TRPM3: variants seen among roughly 807,000 people sequenced by gnomAD.
TRPM3 encodes transient receptor potential cation channel subfamily M member 3.
TRPM3 carries 77 observed loss-of-function variants against 181.2 expected under a neutral mutation model. That is an observed-to-expected ratio of 0.42 (90% CI 0.35 to 0.51). The LOEUF (loss-of-function observed/expected upper bound fraction) is 0.51, where lower values mean the gene tolerates loss of function less well. Among genes scored for constraint, TRPM3 ranks in the 20% least tolerant of loss-of-function variants. TRPM3 has a pLI of 0.01. For synonymous variants in TRPM3, 745 were observed against 796.4 expected, an observed-to-expected ratio of 0.94 and a Z score of 1.09; for missense variants, 1,759 against 2,196.7, an observed-to-expected ratio of 0.80 and a Z score of 3.98.
chr9:71,311,766 T>G (rs1279185430), intron 1 of TRPM3, among the ~76,000 whole-genome samples: 2 of 151,886 alleles, frequency 1.3e-5, no homozygotes, highest in African/African-American at 4.8e-5. Flanking sequence ...ATATCAAATA[T>G]GCTAATGATA....
intron 1 of TRPM3, among the ~76,000 whole-genome samples, chr9:71,196,132 T>C (rs1055999139): frequency 6.0e-5 from 9 of 150,502 alleles, no homozygotes; most frequent in East Asian, 3.9e-4. Flanking sequence ...TAATATTTTA[T>C]GTACATACGC....
chr9:70,823,507 C>T (rs534868261), intron 6 of TRPM3, among the ~76,000 whole-genome samples: 6 of 152,310 alleles, frequency 3.9e-5, no homozygotes, highest in East Asian at 1.9e-4. Flanking sequence ...GTTGCATAAA[C>T]GATACCTCCT....
At chr9:70,909,544 G>A (rs775192581) in intron 1 of TRPM3, among the ~76,000 whole-genome samples, 1 of 152,154 alleles carries the variant, frequency 6.6e-6, no homozygotes, top group Non-Finnish European at 1.5e-5. Context: ...GCATTGGAAG[G>A]TTGGGCTGTC....
upstream of TRPM3, among the ~76,000 whole-genome samples, chr9:71,125,545 C>T (rs1165306332): frequency 6.6e-5 from 10 of 152,252 alleles, no homozygotes; most frequent in South Asian, 1.0e-3. Context: ...TTTATGGCTG[C>T]ATAGTATTCC....
At chr9:71,319,818 A>C (rs2089024827) in intron 1 of TRPM3, among the ~76,000 whole-genome samples, 1 of 152,130 alleles carries the variant, frequency 6.6e-6, no homozygotes, top group Non-Finnish European at 1.5e-5. Flanking sequence ...GGCCATTACT[A>C]CATGAAATGG....
upstream of TRPM3, among the ~76,000 whole-genome samples, chr9:71,124,641 C>T (rs147451317): frequency 6.6e-6 from 1 of 152,220 alleles, no homozygotes; most frequent in Non-Finnish European, 1.5e-5. Flanking sequence ...GAAATTTGAG[C>T]TCATTCTCAA....
intron 6 of TRPM3, among the ~76,000 whole-genome samples, chr9:70,802,301 T>C (rs190620038): frequency 9.8e-5 from 15 of 152,338 alleles, no homozygotes; most frequent in African/African-American, 3.6e-4. Flanking sequence ...AATTTTTTTC[T>C]ATAAAGGGTC....
At chr9:71,218,719 T>A (rs2080053548) in intron 1 of TRPM3, among the ~76,000 whole-genome samples, 1 of 152,214 alleles carries the variant, frequency 6.6e-6, no homozygotes, top group South Asian at 2.1e-4. Context: ...ACATGGTGAT[T>A]GCCTAAAGAG....
At chr9:70,565,193 T>C (rs868684794) in intron 22 of TRPM3, among the ~76,000 whole-genome samples, 8 of 152,240 alleles carry the variant, frequency 5.3e-5, no homozygotes, top group Non-Finnish European at 1.2e-4. Context: ...CACACCCTTG[T>C]ATAGTGGGCT....
intron 7 of TRPM3, among the ~76,000 whole-genome samples, chr9:70,777,215 C>A (rs967317413): frequency 1.3e-5 from 2 of 151,998 alleles, no homozygotes; most frequent in Non-Finnish European, 2.9e-5. Flanking sequence ...TATGTTTTCT[C>A]CGACATTTGC....
chr9:71,157,173 A>G (rs1285985304), intron 1 of TRPM3, among the ~76,000 whole-genome samples: 3 of 152,178 alleles, frequency 2.0e-5, no homozygotes, highest in Admixed American at 6.6e-5. Context: ...ATAACAGTAC[A>G]TTATCAACAA....
intron 1 of TRPM3, among the ~76,000 whole-genome samples, chr9:71,439,387 C>T (rs2094099628): frequency 6.6e-6 from 1 of 152,218 alleles, no homozygotes; most frequent in Non-Finnish European, 1.5e-5. Context: ...TCTGACCAGA[C>T]ACTGAATTAA....
chr9:70,566,427 A>G (rs894629371), intron 22 of TRPM3, among the ~76,000 whole-genome samples: 4 of 152,162 alleles, frequency 2.6e-5, no homozygotes, highest in Non-Finnish European at 5.9e-5. Context: ...AGGAAAGAGC[A>G]CCGAGAGGTG....
chr9:71,303,162 T>C (rs2086935187), intron 1 of TRPM3, among the ~76,000 whole-genome samples: 1 of 151,944 alleles, frequency 6.6e-6, no homozygotes, highest in African/African-American at 2.4e-5. Flanking sequence ...CCATCTTCCC[T>C]AAGAAAAGGA....
chr9:71,344,364 T>C (rs968719616), intron 1 of TRPM3, among the ~76,000 whole-genome samples: 1 of 151,910 alleles, frequency 6.6e-6, no homozygotes, highest in Non-Finnish European at 1.5e-5. Context: ...GGCAGGAGAA[T>C]TGCTTGAACC....
intron 1 of TRPM3, among the ~76,000 whole-genome samples, chr9:71,027,592 C>T (rs1404456366): frequency 6.6e-6 from 1 of 152,112 alleles, no homozygotes; most frequent in Non-Finnish European, 1.5e-5. Context: ...AGCTGACAGA[C>T]AAAGTAGCCA....
At position 70,946,308 on chromosome 9, in the gene TRPM3, T is replaced by C. The variant is rs140800644; in HGVS notation, c.178-81797A>G. On this transcript the variant is annotated intron_variant, in intron 1 of 25. Coordinates refer to ENST00000677713, the MANE Select transcript of TRPM3 (RefSeq NM_001366145.2). ...ATGTTGAGTTTTTAAGGAAGCAGCA[T>C]GTTATACTGGTTAAGAACCTTGAAT... is the stretch of plus-strand genomic sequence containing the variant. Among the ~76,000 whole-genome samples the C allele has an allele frequency of 5.6e-3, 849 of 152,150 alleles. 10 individuals are homozygous for C. Among genetic ancestry groups the C allele is most frequent in the African/African-American group, 0.02 (819 of 41,492 alleles).
chr9:70,771,116 A>T lies in TRPM3; in HGVS notation c.1149-9392T>A, dbSNP rs2080170336. Among the ~76,000 whole-genome samples the T allele has an allele frequency of 2.0e-5, 3 of 152,198 alleles. No individual in the cohort carries two copies. The South Asian group carries it at 6.2e-4, about 32-fold the overall frequency. ...GAAACCATTACGCTCAGATAATTTTATGCCATCCTGAACTCAAACGGGTGT... is the reference window on the plus strand; with the variant it reads ...GAAACCATTACGCTCAGATAATTTTTTGCCATCCTGAACTCAAACGGGTGT... On this transcript the variant is annotated intron_variant, in intron 7 of 25. Coordinates refer to ENST00000677713, the MANE Select transcript of TRPM3 (RefSeq NM_001366145.2).
chr9:70,794,552 C>T (rs561063126), intron 6 of TRPM3, among the ~76,000 whole-genome samples: 2 of 152,276 alleles, frequency 1.3e-5, no homozygotes, highest in South Asian at 4.2e-4. Context: ...GAAGCCTTGG[C>T]TAGTCTCACT....
Sources: gnomAD v4.1 joint callset for allele counts (sites outside exome capture counted in the v4.1 genomes callset) on GRCh38, gnomAD v4.1.1 for gene constraint, MANE v1.5 for transcripts, NCBI Gene and HGNC (gene_info 2026-07-23, HGNC 2026-07-21) for gene names.